The following CDH13 variants were observed in gnomAD, a reference collection of about 807,000 sequenced individuals.
The protein encoded by CDH13 is cadherin 13, also known as cadherin-13.
CDH13 carries 24 observed loss-of-function variants against 63.8 expected under a neutral mutation model. That is an observed-to-expected ratio of 0.38 (90% CI 0.27 to 0.53). The LOEUF (loss-of-function observed/expected upper bound fraction) is 0.53. CDH13 is among the 20% of genes least tolerant of loss of function. The probability of loss-of-function intolerance (pLI) is 0.85; values close to 1 mark genes in which losing one functional copy is unlikely to be tolerated. For synonymous variants in CDH13, 503 were observed against 355.3 expected, an observed-to-expected ratio of 1.42 and a Z score of -4.67; for missense variants, 1,049 against 903.1, an observed-to-expected ratio of 1.16 and a Z score of -2.07.
intron 1 of CDH13, among the ~76,000 whole-genome samples, chr16:82,687,968 C>T (rs1411968089): frequency 6.6e-6 from 1 of 152,202 alleles, no homozygotes; most frequent in African/African-American, 2.4e-5. Context: ...ACAACTTTTA[C>T]TGTCCATTGC....
chr16:83,405,973 C>T (rs1488160370), intron 6 of CDH13, among the ~76,000 whole-genome samples: 3 of 152,228 alleles, frequency 2.0e-5, no homozygotes, highest in Non-Finnish European at 4.4e-5. Flanking sequence ...TGCCCTCAGC[C>T]CACCTGGATC....
chr16:83,212,089 C>T (rs2039354977), intron 4 of CDH13, among the ~76,000 whole-genome samples: 1 of 152,074 alleles, frequency 6.6e-6, no homozygotes, highest in South Asian at 2.1e-4. Context: ...TCTTATATTT[C>T]TTGACATTAA....
Position 83,678,371 on chromosome 16 carries a change from T to C in CDH13, c.1448T>C (p.Met483Thr). 6.2e-7 allele frequency: 1 copy of C among 1,613,962 alleles called. No individual in the cohort carries two copies. The highest frequency in any genetic ancestry group is 1.1e-5 in the South Asian group (1 of 91,070). ...CCAGTCTTCTACCCAGACCCCATGATGGTGACCAGGCAGGAGGACCTCTCT... is the reference window on the plus strand; with the variant it reads ...CCAGTCTTCTACCCAGACCCCATGACGGTGACCAGGCAGGAGGACCTCTCT... ...EGPVFYPDPM[M>T]VTRQEDLSVG... The change falls in exon 10 of 14, where the codon ATG (methionine) becomes ACG (threonine). Residue 483 changes from methionine (M) to threonine (T), a missense_variant. By Grantham distance (81) the Met-to-Thr change is moderately conservative. Coordinates refer to ENST00000567109, the MANE Select transcript of CDH13 (RefSeq NM_001257.5).
chr16:83,356,468 C>T (rs961167389), intron 6 of CDH13, among the ~76,000 whole-genome samples: 5 of 152,052 alleles, frequency 3.3e-5, no homozygotes, highest in Admixed American at 1.3e-4. Flanking sequence ...TCAAGACAGG[C>T]CACAAATGTC....
intron 5 of CDH13, among the ~76,000 whole-genome samples, chr16:83,302,932 T>C (rs1567576400): frequency 6.6e-6 from 1 of 152,190 alleles, no homozygotes; most frequent in Middle Eastern, 3.2e-3. Flanking sequence ...CCAGGTGCAG[T>C]CACTACAGTT....
intron 3 of CDH13, among the ~76,000 whole-genome samples, chr16:83,070,887 C>A (rs915596715): frequency 1.6e-5 from 2 of 124,118 alleles, no homozygotes; most frequent in Admixed American, 9.0e-5. Context: ...ATGACCTAAA[C>A]AACAGGAGTT....
intron 3 of CDH13, among the ~76,000 whole-genome samples, chr16:83,045,300 A>G (rs554709965): frequency 6.6e-6 from 1 of 152,274 alleles, no homozygotes; most frequent in African/African-American, 2.4e-5. Context: ...TCTCATGGAA[A>G]TAGCATGAGA....
intron 1 of CDH13, among the ~76,000 whole-genome samples, chr16:82,810,059 A>C (rs533620124): frequency 6.6e-6 from 1 of 152,218 alleles, no homozygotes; most frequent in Non-Finnish European, 1.5e-5. Flanking sequence ...CATGTTTGCC[A>C]ACAGTGATTA....
intron 2 of CDH13, among the ~76,000 whole-genome samples, chr16:83,027,123 G>A (rs547783225): frequency 8.3e-4 from 49 of 59,230 alleles, no homozygotes; most frequent in Non-Finnish European, 1.1e-3. Flanking sequence ...CCACCGCCCC[G>A]CCTCCAATCC....
rs753719216 is a variant in CDH13, at chr16:83,748,269, C to T, written c.1681+19C>T. 6.3e-7 allele frequency: 1 copy of T among 1,583,480 alleles called. No individual in the cohort carries two copies. Among genetic ancestry groups the T allele is most frequent in the Non-Finnish European group, 8.6e-7 (1 of 1,159,010 alleles). ...GACAGTGGTGAGTACTTGACAAAGA[C>T]CATCAAGGGTATACTTTTCTGCTAC... On this transcript the variant is annotated intron_variant, in intron 11 of 13. Transcript: ENST00000567109.
intron 1 of CDH13, among the ~76,000 whole-genome samples, chr16:82,854,819 A>G (rs934105136): frequency 1.3e-5 from 2 of 152,204 alleles, no homozygotes; most frequent in African/African-American, 4.8e-5. Context: ...TGAATCACTT[A>G]AATTATGATT....
rs1290530442 is a variant in CDH13, at chr16:83,633,556, G to T, written c.1101+30962G>T. Among the ~76,000 whole-genome samples, 3 of 152,062 alleles carry T rather than the reference G, an allele frequency of 2.0e-5. No homozygotes were observed. In the East Asian group the frequency reaches 5.8e-4, roughly 29 times the overall value. ...GTTGCAGGGAGTGTTTTCTAATAAG[G>T]GTTTTTTTCTCCATTGAAAACATCT... On this transcript the variant is annotated intron_variant, in intron 8 of 13. Coordinates refer to ENST00000567109, the MANE Select transcript of CDH13 (RefSeq NM_001257.5).
intron 6 of CDH13, among the ~76,000 whole-genome samples, chr16:83,461,768 C>G (rs2073187370): frequency 6.6e-6 from 1 of 152,152 alleles, no homozygotes; most frequent in Admixed American, 6.5e-5. Context: ...TGTAAAAGAT[C>G]AGCTTGTAAG....
intron 7 of CDH13, among the ~76,000 whole-genome samples, chr16:83,493,428 A>G (rs1302185674): frequency 6.6e-6 from 1 of 152,246 alleles, no homozygotes; most frequent in Non-Finnish European, 1.5e-5. Flanking sequence ...GCTGGATATC[A>G]GGACGCAAAG....
chr16:82,962,975 C>G (rs1385956746), intron 2 of CDH13, among the ~76,000 whole-genome samples: 1 of 151,968 alleles, frequency 6.6e-6, no homozygotes, highest in Non-Finnish European at 1.5e-5. Flanking sequence ...ATTTTTCTTC[C>G]TTTTGTAAAA....
At chr16:82,919,411 C>G (rs529663739) in intron 2 of CDH13, among the ~76,000 whole-genome samples, 1 of 152,216 alleles carries the variant, frequency 6.6e-6, no homozygotes, top group African/African-American at 2.4e-5. Flanking sequence ...CCCTTTGTGT[C>G]CATGTATTCT....
At chr16:83,185,122 A>C (rs2038477662) in intron 4 of CDH13, among the ~76,000 whole-genome samples, 1 of 152,150 alleles carries the variant, frequency 6.6e-6, no homozygotes. Context: ...TGAGGCACAG[A>C]ATCCTAAGGG....
intron 2 of CDH13, among the ~76,000 whole-genome samples, chr16:82,879,126 C>T (rs2040604545): frequency 6.6e-6 from 1 of 152,228 alleles, no homozygotes; most frequent in Non-Finnish European, 1.5e-5. Flanking sequence ...AGGCTGGGCC[C>T]ATGGTTGTGG....
intron 1 of CDH13, among the ~76,000 whole-genome samples, chr16:82,632,725 A>G (rs1908165379): frequency 6.7e-6 from 1 of 149,736 alleles, no homozygotes; most frequent in Admixed American, 6.7e-5. Flanking sequence ...TGGTTTTGGG[A>G]TGATTCAAGC....
Sources: gnomAD v4.1 joint callset for allele counts (sites outside exome capture counted in the v4.1 genomes callset) on GRCh38, gnomAD v4.1.1 for gene constraint, MANE v1.5 for transcripts, NCBI Gene and HGNC (gene_info 2026-07-23, HGNC 2026-07-21) for gene names.